The following SV2C variants were observed in gnomAD, a reference collection of about 807,000 sequenced individuals.
SV2C encodes synaptic vesicle glycoprotein 2C.
SV2C carries 49 observed loss-of-function variants against 79.7 expected under a neutral mutation model. That is an observed-to-expected ratio of 0.61 (90% confidence interval 0.49 to 0.78). The LOEUF (loss-of-function observed/expected upper bound fraction) is 0.78, where lower values mean the gene tolerates loss of function less well. Among genes scored for constraint, SV2C ranks in the 30% least tolerant of loss-of-function variants. SV2C has a pLI of 0.00. For missense variants in SV2C, 833 were observed against 912.9 expected (o/e 0.91, Z 1.13); for synonymous variants, 334 against 333.2 (o/e 1.00, Z -0.03).
intron 12 of SV2C, among the ~76,000 whole-genome samples, chr5:76,309,561 C>T (rs1373443927): frequency 7.7e-6 from 1 of 129,338 alleles, no homozygotes; most frequent in Non-Finnish European, 1.5e-5. Flanking sequence ...GATCGCACCA[C>T]TGTGCTCCAG....
At chr5:76,094,361 A>G (rs1286864581) in intron 1 of SV2C, among the ~76,000 whole-genome samples, 1 of 152,170 alleles carries the variant, frequency 6.6e-6, no homozygotes, top group East Asian at 1.9e-4. Context: ...CCTAATTTTT[A>G]TCACCAAAGA....
intron 1 of SV2C, among the ~76,000 whole-genome samples, chr5:76,119,708 A>AAAAAAAC (rs1158985696): frequency 6.6e-6 from 1 of 152,116 alleles, no homozygotes; most frequent in Non-Finnish European, 1.5e-5. Context: ...CTATAGGGAA[A>AAAAAAAC]AAAAAACAAA....
chr5:75,973,052 C>T, the SV2C span, among the ~76,000 whole-genome samples: 9 of 152,014 alleles, frequency 5.9e-5, no homozygotes, highest in East Asian at 1.9e-4. Flanking sequence ...TGGAAACCAT[C>T]GTTCTCAGCA....
rs1223726629 is a variant in SV2C at position 76,173,304 on chromosome 5, G to A, written c.581-21615G>A. 2.0e-5 allele frequency among the ~76,000 whole-genome samples: 3 copies of A among 151,524 alleles called. No individual in the cohort carries two copies. The East Asian group carries it at 5.8e-4, about 29-fold the overall frequency. On this transcript the variant is annotated intron_variant, in intron 2 of 12. Transcript: ENST00000502798. Reference sequence around the variant, plus strand: ...CTCTCCAATACAAAGTATGGGGCATGTTAAAGTATACAGTACACCATTTTC... The same window carrying A: ...CTCTCCAATACAAAGTATGGGGCATATTAAAGTATACAGTACACCATTTTC...
chr5:76,133,784 T>G (rs1380403006), intron 2 of SV2C, among the ~76,000 whole-genome samples: 1 of 152,168 alleles, frequency 6.6e-6, no homozygotes, highest in Non-Finnish European at 1.5e-5. Context: ...CTGTATATCA[T>G]TTTTGTTTTT....
chr5:76,159,886 T>A (rs1372822642), intron 2 of SV2C, among the ~76,000 whole-genome samples: 3 of 152,106 alleles, frequency 2.0e-5, no homozygotes, highest in Non-Finnish European at 4.4e-5. Context: ...AGCTACAAGA[T>A]ACAAAATTAA....
chr5:76,274,018 A>G (rs2972835), intron 4 of SV2C, among the ~76,000 whole-genome samples: 1 of 152,172 alleles, frequency 6.6e-6, no homozygotes, highest in East Asian at 1.9e-4. Context: ...ACCAGGATAG[A>G]ATCTGGCACT....
chr5:75,862,403 A>AG, the SV2C span, among the ~76,000 whole-genome samples: 1 of 152,240 alleles, frequency 6.6e-6, no homozygotes, highest in African/African-American at 2.4e-5. Context: ...ATGGAAGCCC[A>AG]GGTAACTTTA....
At chr5:76,178,677 T>C (rs1345207598) in intron 2 of SV2C, among the ~76,000 whole-genome samples, 1 of 152,200 alleles carries the variant, frequency 6.6e-6, no homozygotes, top group Non-Finnish European at 1.5e-5. Flanking sequence ...ATTGAATAAA[T>C]TTATCTTTAT....
intron 1 of SV2C, among the ~76,000 whole-genome samples, chr5:76,115,264 G>T (rs1190975658): frequency 6.6e-6 from 1 of 152,134 alleles, no homozygotes; most frequent in Non-Finnish European, 1.5e-5. Context: ...CCAGTATTTG[G>T]CTCTATAGCC....
At chr5:76,261,968 A>G (rs1000981296) in intron 4 of SV2C, among the ~76,000 whole-genome samples, 6 of 152,228 alleles carry the variant, frequency 3.9e-5, no homozygotes, top group Admixed American at 1.3e-4. Flanking sequence ...AAAATGAGTT[A>G]GGGAGGAGTC....
intron 2 of SV2C, among the ~76,000 whole-genome samples, chr5:76,160,231 T>C (rs1486081933): frequency 6.6e-6 from 1 of 152,066 alleles, no homozygotes. Context: ...AATATGGGAT[T>C]TCAAAACATA....
At chr5:75,997,101 G>T in the SV2C span, among the ~76,000 whole-genome samples, 1 of 151,016 alleles carries the variant, frequency 6.6e-6, no homozygotes, top group African/African-American at 2.4e-5. Flanking sequence ...TGCCCATGCA[G>T]TATGATATTG....
the SV2C span, among the ~76,000 whole-genome samples, chr5:75,979,918 A>G: frequency 9.2e-5 from 14 of 152,302 alleles, no homozygotes; most frequent in South Asian, 2.9e-3. Context: ...AAAAAATTCA[A>G]AAGATCAGTG....
the SV2C span, among the ~76,000 whole-genome samples, chr5:75,941,978 T>A: frequency 2.4e-4 from 37 of 152,214 alleles, no homozygotes; most frequent in African/African-American, 8.9e-4. Flanking sequence ...TAGCCTATAG[T>A]ATTAGCTCAT....
intron 12 of SV2C, chr5:76,353,077 A>C (rs1487030379): frequency 2.7e-5 from 12 of 452,562 alleles, no homozygotes; most frequent in Non-Finnish European, 4.9e-5. Context: ...AGAAGCTAGG[A>C]CTACAGGTGG....
At chr5:75,878,568 A>C in the SV2C span, among the ~76,000 whole-genome samples, 4 of 152,206 alleles carry the variant, frequency 2.6e-5, no homozygotes, top group Admixed American at 6.5e-5. Context: ...CCCTAAACTA[A>C]TTTTCCCCCA....
At chr5:76,113,615 G>T (rs1561220858) in intron 1 of SV2C, among the ~76,000 whole-genome samples, 2 of 152,172 alleles carry the variant, frequency 1.3e-5, no homozygotes, top group Admixed American at 1.3e-4. Flanking sequence ...CACTTGGGAG[G>T]ATTTAAGCCA....
chr5:76,179,234 A>T (rs2112296234), intron 2 of SV2C, among the ~76,000 whole-genome samples: 1 of 152,354 alleles, frequency 6.6e-6, no homozygotes, highest in East Asian at 1.9e-4. Flanking sequence ...TGTTGCATAT[A>T]TGATTAATTG....
Sources: gnomAD v4.1 joint callset for allele counts (sites outside exome capture counted in the v4.1 genomes callset) on GRCh38, gnomAD v4.1.1 for gene constraint, MANE v1.5 for transcripts, NCBI Gene and HGNC (gene_info 2026-07-23, HGNC 2026-07-21) for gene names.